ACADL: variants seen among roughly 807,000 people sequenced by gnomAD.
The protein encoded by ACADL is acyl-CoA dehydrogenase long chain.
Under a neutral mutation model 56.9 loss-of-function variants are expected in ACADL, and 60 were observed. The ratio of observed to expected loss-of-function variants is 1.05; its 90% CI spans 0.86 to 1.31. ACADL has a LOEUF of 1.31. Ranked by LOEUF, ACADL falls within the 50% of genes most tolerant of loss-of-function variation. The pLI, the probability that ACADL is intolerant of heterozygous loss-of-function variation, is 0.00. For missense variants in ACADL, 484 were observed against 525.5 expected (o/e 0.92, Z 0.77); for synonymous variants, 158 against 179.7 (o/e 0.88, Z 0.97).
intron 3 of ACADL, chr2:210,217,709 T>G: frequency 2.2e-6 from 1 of 448,818 alleles, no homozygotes; most frequent in South Asian, 2.8e-5. Flanking sequence ...ACCATAAGCA[T>G]TGACAGGAAA....
chr2:210,218,118 A>AT lies in ACADL; in HGVS notation c.234-17dup, dbSNP rs530783370. 1,215 of 1,608,000 alleles carry AT rather than the reference A, an allele frequency of 7.6e-4. 7 individuals are homozygous for AT. Among genetic ancestry groups the AT allele is most frequent in the Non-Finnish European group, 9.7e-4 (1,138 of 1,176,296 alleles). On this transcript the variant is annotated splice_polypyrimidine_tract_variant and intron_variant, in intron 2 of 10. Transcript: ENST00000233710. ...TTTCTCCCATCTGCAAATAACAAATATTTTAAATTCAGATAATTTTTAAAT... is the reference window on the plus strand; with the variant it reads ...TTTCTCCCATCTGCAAATAACAAATATTTTTAAATTCAGATAATTTTTAAAT...
chr2:210,194,908 T>C (rs1372353750), intron 9 of ACADL, among the ~76,000 whole-genome samples: 1 of 152,208 alleles, frequency 6.6e-6, no homozygotes, highest in East Asian at 1.9e-4. Context: ...TCAGTCATCC[T>C]ATCAATATCA....
intron 4 of ACADL, among the ~76,000 whole-genome samples, chr2:210,213,526 C>T (rs1689024315): frequency 6.6e-6 from 1 of 151,854 alleles, no homozygotes; most frequent in Admixed American, 6.6e-5. Context: ...TATACAGGGA[C>T]ATATCAAAGG....
At chr2:210,195,053 A>T (rs1575671294) in intron 9 of ACADL, among the ~76,000 whole-genome samples, 158 bp downstream of exon 9, 3 of 151,914 alleles carry the variant, frequency 2.0e-5, no homozygotes. Flanking sequence ...CATATGCTTA[A>T]TGGAACTTTT....
intron 9 of ACADL, among the ~76,000 whole-genome samples, chr2:210,194,896 A>G (rs1488665823): frequency 6.6e-6 from 1 of 152,178 alleles, no homozygotes; most frequent in Non-Finnish European, 1.5e-5. Context: ...TGAATGAATG[A>G]ATCAGTCATC....
At chr2:210,214,990 G>A (rs535215560) in intron 4 of ACADL, among the ~76,000 whole-genome samples, 1 of 152,220 alleles carries the variant, frequency 6.6e-6, no homozygotes, top group Admixed American at 6.5e-5. Context: ...AATATTAAGA[G>A]ATTTAAAAAT....
At chr2:210,214,517 G>GAA (rs1689047380) in intron 4 of ACADL, among the ~76,000 whole-genome samples, 3 of 150,280 alleles carry the variant, frequency 2.0e-5, no homozygotes, top group African/African-American at 4.9e-5. Flanking sequence ...GAAAAAGAAA[G>GAA]AAAGAAAGAA....
intron 5 of ACADL, among the ~76,000 whole-genome samples, chr2:210,206,902 C>T (rs1333304073): frequency 1.3e-5 from 2 of 152,046 alleles, no homozygotes; most frequent in East Asian, 3.9e-4. Flanking sequence ...TTGATAGGAC[C>T]TGGACCTGAA....
intron 8 of ACADL, among the ~76,000 whole-genome samples, chr2:210,201,052 G>A (rs1399043724): frequency 6.6e-6 from 1 of 152,166 alleles, no homozygotes; most frequent in East Asian, 1.9e-4. Context: ...GATGAAGCCT[G>A]CCCTTTCCCA....
At chr2:210,191,203 G>C (rs1237230129) in intron 10 of ACADL, among the ~76,000 whole-genome samples, 1 of 152,098 alleles carries the variant, frequency 6.6e-6, no homozygotes, top group Non-Finnish European at 1.5e-5. Context: ...GTGAGCCACC[G>C]CACGTGGCCT....
Position 210,222,192 on chromosome 2 carries a change from CTTGGCTT to C in ACADL, c.78-1397_78-1391del, listed in dbSNP as rs1405086338. On this transcript the variant is annotated intron_variant, in intron 1 of 10. Transcript: ENST00000233710. ...AAAGGACTAAGATGAGGACAAAGATCTTGGCTTTTAAGCTTACATTCTAACAAAGGGA... is the reference window on the plus strand; with the variant it reads ...AAAGGACTAAGATGAGGACAAAGATCTTAAGCTTACATTCTAACAAAGGGA... Among the ~76,000 whole-genome samples, 3 of 152,174 alleles carry C rather than the reference CTTGGCTT, an allele frequency of 2.0e-5. No homozygotes were observed. In the South Asian group the frequency reaches 6.2e-4, roughly 32 times the overall value.
intron 10 of ACADL, 29 bp downstream of exon 10, chr2:210,192,772 TAAA>T (rs1196688960): frequency 6.5e-7 from 1 of 1,531,590 alleles, no homozygotes; most frequent in African/African-American, 1.4e-5. Context: ...CTTCACATCA[TAAA>T]GAAGAGTGTA....
chr2:210,196,354 C>CTTG (rs1207378213), intron 8 of ACADL, among the ~76,000 whole-genome samples: 4 of 151,786 alleles, frequency 2.6e-5, no homozygotes, highest in Non-Finnish European at 5.9e-5. Flanking sequence ...CTCTCAATAG[C>CTTG]TTGTTTAGCA....
intron 4 of ACADL, among the ~76,000 whole-genome samples, chr2:210,211,398 C>G (rs1329726918): frequency 6.6e-6 from 1 of 152,052 alleles, no homozygotes; most frequent in Non-Finnish European, 1.5e-5. Flanking sequence ...TCCAATTTGT[C>G]TTCTTTATGT....
At chr2:210,196,263 CTT>C (rs11328078) in intron 8 of ACADL, among the ~76,000 whole-genome samples, 1,761 of 147,482 alleles carry the variant, frequency 0.012, 27 homozygotes, top group African/African-American at 0.036. Context: ...CATTAAACCT[CTT>C]TTTTTTTTTT....
chr2:210,190,452 A>G (rs1291043402), intron 10 of ACADL, among the ~76,000 whole-genome samples: 1 of 152,178 alleles, frequency 6.6e-6, no homozygotes, highest in Admixed American at 6.5e-5. Context: ...GTTCCAATGG[A>G]GTAAAGCAGA....
In ACADL at chr2:210,205,700, G is replaced by T. The variant is rs146706554; in HGVS notation, c.700C>A (p.Leu234Met). The stretch of plus-strand genomic sequence containing the variant: ...AATCCTTTCATTCCATTTTCCACCA[G>T]AAAAAGGCTAATACCATGGGCAGGG... ...PSPAHGISLF[L>M]VENGMKGFIK... Residue 234 changes from leucine to methionine, a missense_variant, in exon 6 of 11, where the codon CTG becomes ATG. Physicochemically the swap from Leu to Met is conservative, Grantham distance 15 (BLOSUM62 2). Transcript: ENST00000233710. 90 of 1,613,774 alleles carry T rather than the reference G, an allele frequency of 5.6e-5. No individual in the cohort carries two copies. The highest frequency in any genetic ancestry group is 7.4e-5 in the Non-Finnish European group (87 of 1,179,954).
chr2:210,216,684 T>C lies in ACADL; in HGVS notation c.372-173A>G, dbSNP rs1403262415. 1.5e-5 allele frequency: 9 copies of C among 615,640 alleles called. No individual in the cohort carries two copies. The East Asian group carries it at 2.7e-4, about 18-fold the overall frequency. The allele number at this position is 615,640 out of a possible 1,614,324, so 38.1% of individuals were successfully genotyped here. ...TTGTTTTTACTAATTTTAAAATTTCTGGTTCCAACACAATAACAGTGGTCT... is the reference window on the plus strand; with the variant it reads ...TTGTTTTTACTAATTTTAAAATTTCCGGTTCCAACACAATAACAGTGGTCT... On this transcript the variant is annotated intron_variant, in intron 3 of 10. Transcript: ENST00000233710.
chr2:210,205,893 G>T, intron 5 of ACADL, 97 bp from the exon 6 acceptor site: 1 of 1,406,964 alleles, frequency 7.1e-7, no homozygotes, highest in Non-Finnish European at 1.0e-6. Flanking sequence ...AACTAAAACA[G>T]ACAAGACATG....
Sources: allele counts gnomAD v4.1 joint callset (sites outside exome capture counted in the v4.1 genomes callset), GRCh38; gene constraint gnomAD v4.1.1; transcripts MANE v1.5; gene names NCBI Gene and HGNC (gene_info 2026-07-23, HGNC 2026-07-21).